Variants in PDZRN4 observed in about 807,000 individuals in gnomAD.
PDZRN4 encodes PDZ domain containing ring finger 4.
Under a neutral mutation model 99.0 loss-of-function variants are expected in PDZRN4, and 70 were observed. The ratio of observed to expected loss-of-function variants is 0.71; its 90% CI spans 0.58 to 0.86. The LOEUF (loss-of-function observed/expected upper bound fraction) is 0.86. PDZRN4 is among the 40% of genes least tolerant of loss of function. The pLI, the probability that PDZRN4 is intolerant of heterozygous loss-of-function variation, is 0.00. For synonymous variants in PDZRN4, 551 were observed against 501.6 expected (o/e 1.10, Z -1.32); for missense variants, 1,474 against 1,331.2 (o/e 1.11, Z -1.67).
intron 3 of PDZRN4, among the ~76,000 whole-genome samples, chr12:41,313,124 A>G (rs1444632853): frequency 6.6e-6 from 1 of 152,126 alleles, no homozygotes; most frequent in African/African-American, 2.4e-5. Context: ...AAATTATCCT[A>G]TTGATTTAGA....
chr12:41,323,689 A>T (rs996756065), intron 3 of PDZRN4, among the ~76,000 whole-genome samples: 1 of 152,008 alleles, frequency 6.6e-6, no homozygotes, highest in Non-Finnish European at 1.5e-5. Flanking sequence ...CTAATACAGT[A>T]ACAAATGCTA....
chr12:41,493,441 G>C (rs1937927873), intron 3 of PDZRN4, among the ~76,000 whole-genome samples: 3 of 152,282 alleles, frequency 2.0e-5, no homozygotes, highest in South Asian at 4.1e-4. Context: ...ATAGAAAAAT[G>C]TTGTGGCAAT....
Position 41,552,668 on chromosome 12 carries a change from T to C in PDZRN4, c.1216T>C (p.Cys406Arg), listed in dbSNP as rs780044315. The C allele has an allele frequency of 1.9e-6, 3 of 1,613,518 alleles. No individual in the cohort carries two copies. Among genetic ancestry groups the C allele is most frequent in the Non-Finnish European group, 2.5e-6 (3 of 1,179,508 alleles). ...GTTGTTCTTTCAGGAGGTCGAGTTG[T>C]GTCGTGTTAGCAGTCAAGAGAAGCT... Reference protein sequence around the residue: ...EDFEYEEVELCRVSSQEKLGL... With the variant: ...EDFEYEEVELRRVSSQEKLGL... Residue 406 changes from cysteine (C) to arginine (R), a missense_variant, in exon 6 of 10, where the codon TGT becomes CGT. By Grantham distance (180) the Cys-to-Arg change is radical. Transcript: ENST00000402685.
chr12:41,195,986 T>A (rs1475916503), intron 3 of PDZRN4, among the ~76,000 whole-genome samples: 1 of 152,134 alleles, frequency 6.6e-6, no homozygotes, highest in Non-Finnish European at 1.5e-5. Flanking sequence ...ATTGGCAATT[T>A]AAAAAATAAC....
intron 3 of PDZRN4, among the ~76,000 whole-genome samples, chr12:41,217,777 T>C (rs187865400): frequency 5.3e-5 from 8 of 152,190 alleles, no homozygotes. Flanking sequence ...TACTGTGAGC[T>C]GCCAACAAGA....
At chr12:41,330,779 T>C (rs1003959514) in intron 3 of PDZRN4, among the ~76,000 whole-genome samples, 1 of 152,092 alleles carries the variant, frequency 6.6e-6, no homozygotes, top group African/African-American at 2.4e-5. Flanking sequence ...AAAGTAAGAA[T>C]AATTAGCCTT....
chr12:41,274,700 T>C (rs1951338448), intron 3 of PDZRN4, among the ~76,000 whole-genome samples: 1 of 152,110 alleles, frequency 6.6e-6, no homozygotes, highest in Non-Finnish European at 1.5e-5. Context: ...ATGATTCCAT[T>C]AGGAAAAGTT....
intron 3 of PDZRN4, among the ~76,000 whole-genome samples, chr12:41,306,427 C>A (rs953518714): frequency 1.3e-5 from 2 of 152,148 alleles, no homozygotes; most frequent in Non-Finnish European, 2.9e-5. Context: ...ATTGCCATGT[C>A]CTGTACAGTC....
At chr12:41,215,396 T>A (rs1591971259) in intron 3 of PDZRN4, among the ~76,000 whole-genome samples, 1 of 152,066 alleles carries the variant, frequency 6.6e-6, no homozygotes, top group Non-Finnish European at 1.5e-5. Flanking sequence ...AAATAATCTC[T>A]AAGGTCTAGA....
chr12:41,256,522 A>T (rs959353012), intron 3 of PDZRN4, among the ~76,000 whole-genome samples: 3 of 152,160 alleles, frequency 2.0e-5, no homozygotes, highest in African/African-American at 7.2e-5. Flanking sequence ...ACAAGCCAAC[A>T]TTTACCTTCT....
intron 9 of PDZRN4, among the ~76,000 whole-genome samples, chr12:41,568,331 T>G (rs770626042): frequency 6.6e-6 from 1 of 152,232 alleles, no homozygotes; most frequent in South Asian, 2.1e-4. Flanking sequence ...GATGACATGA[T>G]GTAAGCCATC....
At chr12:41,346,946 T>TA (rs1206228486) in intron 3 of PDZRN4, among the ~76,000 whole-genome samples, 1 of 152,228 alleles carries the variant, frequency 6.6e-6, no homozygotes, top group Non-Finnish European at 1.5e-5. Flanking sequence ...CATAATGTTT[T>TA]AAAGGTGCAT....
rs1299876700 is a variant in PDZRN4 at position 41,247,159 on chromosome 12, G to A, written c.843+52971G>A. Reference sequence around the variant, plus strand: ...AGGAATTAATACCAAAATAATCATGGTCCAAGGTACAACATAAGTAAAAAT... The same window carrying A: ...AGGAATTAATACCAAAATAATCATGATCCAAGGTACAACATAAGTAAAAAT... On this transcript the variant is annotated intron_variant, in intron 3 of 9. Transcript: ENST00000402685. Among the ~76,000 whole-genome samples, 3 of 152,122 alleles carry A rather than the reference G, an allele frequency of 2.0e-5. 1 individual carries two copies. The highest frequency in any genetic ancestry group is 4.1e-4 in the South Asian group (2 of 4,820).
chr12:41,334,389 TA>T (rs59977032), intron 3 of PDZRN4, among the ~76,000 whole-genome samples: 82,532 of 143,642 alleles, frequency 0.57, 23,540 homozygotes, highest in Middle Eastern at 0.7. Context: ...AATGAAAAGT[TA>T]AAAAAAAAAA....
intron 3 of PDZRN4, among the ~76,000 whole-genome samples, chr12:41,238,047 A>G (rs1951078526): frequency 6.6e-6 from 1 of 152,146 alleles, no homozygotes; most frequent in Admixed American, 6.6e-5. Context: ...CTGACTCTAT[A>G]GATTACTTTG....
intron 3 of PDZRN4, among the ~76,000 whole-genome samples, chr12:41,408,836 G>C (rs993305960): frequency 7.0e-6 from 1 of 143,188 alleles, no homozygotes. Context: ...TCACTCTCTC[G>C]CACTCTCTTG....
intron 3 of PDZRN4, among the ~76,000 whole-genome samples, chr12:41,416,594 T>A (rs912984879): frequency 1.3e-5 from 2 of 151,982 alleles, no homozygotes; most frequent in African/African-American, 4.8e-5. Flanking sequence ...GAGGCGGAGG[T>A]TGCAGTGAGC....
At chr12:41,506,417 C>A in intron 3 of PDZRN4, 39 bp from the exon 4 acceptor site, 1 of 1,552,414 alleles carries the variant, frequency 6.4e-7, no homozygotes, top group South Asian at 1.2e-5. Flanking sequence ...CCTCTCTGAT[C>A]TTTCCTCTGA....
intron 3 of PDZRN4, among the ~76,000 whole-genome samples, chr12:41,397,258 CCCTT>C (rs1448875380): frequency 6.6e-6 from 1 of 152,148 alleles, no homozygotes; most frequent in Non-Finnish European, 1.5e-5. Flanking sequence ...ACCTCTCTCT[CCCTT>C]CATGCTACAT....
Sources: gnomAD v4.1 joint callset for allele counts (sites outside exome capture counted in the v4.1 genomes callset) on GRCh38, gnomAD v4.1.1 for gene constraint, MANE v1.5 for transcripts, NCBI Gene and HGNC (gene_info 2026-07-23, HGNC 2026-07-21) for gene names.